CLIC5: variants seen among roughly 807,000 people sequenced by gnomAD.
CLIC5 encodes CLIC family member 5.
In CLIC5, 20 loss-of-function variants were observed where a neutral mutation model predicts 24.7. The ratio of observed to expected loss-of-function variants is 0.81; its 90% CI spans 0.57 to 1.18. The LOEUF (loss-of-function observed/expected upper bound fraction) is 1.18. Among genes scored for constraint, CLIC5 ranks in the 50% most tolerant of loss-of-function variants. CLIC5 has a pLI of 0.00. For synonymous variants in CLIC5, 159 were observed against 135.6 expected (o/e 1.17, Z -1.20); for missense variants, 341 against 326.1 (o/e 1.05, Z -0.35).
chr6:46,078,157 T>A (rs1401366273), intron 1 of CLIC5, among the ~76,000 whole-genome samples: 2 of 152,076 alleles, frequency 1.3e-5, no homozygotes, highest in African/African-American at 4.8e-5. Flanking sequence ...GTTAGGAGTT[T>A]GAGACCAGCC....
chr6:46,046,739 A>C (rs977525793), intron 1 of CLIC5, among the ~76,000 whole-genome samples: 2 of 152,218 alleles, frequency 1.3e-5, no homozygotes, highest in Non-Finnish European at 2.9e-5. Context: ...AAGTCTAACT[A>C]CACAGGAGGT....
At chr6:46,004,490 G>A (rs151184462) in intron 1 of CLIC5, among the ~76,000 whole-genome samples, 189 of 152,274 alleles carry the variant, frequency 1.2e-3, no homozygotes, top group African/African-American at 4.3e-3. Context: ...GGAGTTGGCC[G>A]TCCCGCAGGG....
chr6:46,086,811 G>T, the CLIC5 span, among the ~76,000 whole-genome samples: 1 of 152,154 alleles, frequency 6.6e-6, no homozygotes, highest in East Asian at 1.9e-4. Context: ...GCACAGGGAG[G>T]GAACTGTGTG....
At chr6:45,890,183 G>T (rs541061631) in intron 6 of CLIC5, among the ~76,000 whole-genome samples, 2 of 152,018 alleles carry the variant, frequency 1.3e-5, no homozygotes, top group Non-Finnish European at 2.9e-5. Context: ...CTAATCTGTG[G>T]TTTGTGTCTT....
intron 1 of CLIC5, among the ~76,000 whole-genome samples, chr6:46,046,170 C>G (rs1767947142): frequency 6.6e-6 from 1 of 152,130 alleles, no homozygotes; most frequent in South Asian, 2.1e-4. Flanking sequence ...CCTTGCTTAC[C>G]CCTGAGTAAT....
chr6:45,944,852 C>G (rs757366420), intron 3 of CLIC5, among the ~76,000 whole-genome samples: 5 of 152,196 alleles, frequency 3.3e-5, no homozygotes, highest in Non-Finnish European at 7.3e-5. Context: ...TGTTTTCCCT[C>G]CTTTTTCTCA....
the CLIC5 span, among the ~76,000 whole-genome samples, chr6:46,116,677 G>A: frequency 6.6e-6 from 1 of 152,180 alleles, no homozygotes; most frequent in Non-Finnish European, 1.5e-5. Flanking sequence ...ATCCAATTTA[G>A]CAGAACTTAA....
intron 1 of CLIC5, among the ~76,000 whole-genome samples, chr6:46,065,848 T>A (rs1357419114): frequency 6.6e-6 from 1 of 152,210 alleles, no homozygotes; most frequent in Non-Finnish European, 1.5e-5. Flanking sequence ...GTTAGATGAC[T>A]GTATACATTT....
upstream of CLIC5, among the ~76,000 whole-genome samples, chr6:46,084,136 T>C (rs922931951): frequency 6.6e-6 from 1 of 152,120 alleles, no homozygotes; most frequent in Non-Finnish European, 1.5e-5. Context: ...TGGTAGATCT[T>C]CCTCCATCCT....
chr6:46,041,685 A>G (rs1767812934), intron 1 of CLIC5, among the ~76,000 whole-genome samples: 2 of 152,206 alleles, frequency 1.3e-5, no homozygotes, highest in South Asian at 4.1e-4. Context: ...GTGGTTGTAT[A>G]CCTAAAGCCC....
At chr6:45,995,978 G>C (rs571183276) in intron 1 of CLIC5, among the ~76,000 whole-genome samples, 2 of 152,072 alleles carry the variant, frequency 1.3e-5, no homozygotes, top group African/African-American at 4.8e-5. Flanking sequence ...GGCTGGGGTG[G>C]GGGGAGAGAG....
chr6:46,021,200 C>A (rs191497865), intron 1 of CLIC5, among the ~76,000 whole-genome samples: 2 of 151,722 alleles, frequency 1.3e-5, no homozygotes, highest in Non-Finnish European at 2.9e-5. Context: ...GCTCAACGTT[C>A]TTCAGTAGAG....
downstream of CLIC5, among the ~76,000 whole-genome samples, chr6:45,897,330 C>T (rs556747646): frequency 3.3e-5 from 5 of 152,350 alleles, no homozygotes; most frequent in African/African-American, 1.2e-4. Context: ...AAACCAACCA[C>T]AGCCAGCAGG....
intron 1 of CLIC5, among the ~76,000 whole-genome samples, chr6:46,056,168 C>A (rs1229764878): frequency 6.6e-6 from 1 of 152,104 alleles, no homozygotes; most frequent in Non-Finnish European, 1.5e-5. Flanking sequence ...CTAAGATCAT[C>A]AAACTAGAAA....
At chr6:46,011,609 C>CGGCGA (rs1766813833) in intron 1 of CLIC5, among the ~76,000 whole-genome samples, 1 of 152,154 alleles carries the variant, frequency 6.6e-6, no homozygotes, top group Non-Finnish European at 1.5e-5. Context: ...GAGACACTTG[C>CGGCGA]GGCGAGCTTG....
chr6:45,893,995 G>A (rs1456862808), downstream of CLIC5, among the ~76,000 whole-genome samples: 1 of 152,206 alleles, frequency 6.6e-6, no homozygotes, highest in African/African-American at 2.4e-5. Context: ...TCATCCCATG[G>A]TGTGGCAGTC....
At chr6:46,093,750 AC>A in the CLIC5 span, among the ~76,000 whole-genome samples, 5 of 152,184 alleles carry the variant, frequency 3.3e-5, no homozygotes, top group Admixed American at 6.5e-5. Context: ...ACATATACTT[AC>A]CCCATGATCT....
chr6:45,947,972 G>C (rs74389784), intron 3 of CLIC5, among the ~76,000 whole-genome samples: 3,210 of 152,264 alleles, frequency 0.021, 125 homozygotes, highest in African/African-American at 0.074. Context: ...ATATATGATT[G>C]TTTAAGGCTT....
chr6:46,122,143 C>T, the CLIC5 span, among the ~76,000 whole-genome samples: 1 of 152,230 alleles, frequency 6.6e-6, no homozygotes, highest in African/African-American at 2.4e-5. Flanking sequence ...CTCAGCACCA[C>T]ACTGCACCTA....
Sources: gnomAD v4.1 joint callset for allele counts (sites outside exome capture counted in the v4.1 genomes callset) on GRCh38, gnomAD v4.1.1 for gene constraint, MANE v1.5 for transcripts, NCBI Gene and HGNC (gene_info 2026-07-23, HGNC 2026-07-21) for gene names.